The following EPM2A variants were observed in gnomAD, a reference collection of about 807,000 sequenced individuals.
EPM2A encodes the protein EPM2A glucan phosphatase, laforin, also known as laforin.
A neutral mutation model predicts 26.5 loss-of-function variants in EPM2A; 21 were observed. The observed-to-expected ratio is 0.79, with a 90% CI of 0.56 to 1.14. EPM2A has a LOEUF of 1.14. Among genes scored for constraint, EPM2A ranks in the 50% most tolerant of loss-of-function variants. The pLI is 0.00. For missense variants in EPM2A, 458 were observed against 440.8 expected, an observed-to-expected ratio of 1.04 and a Z score of -0.35; for synonymous variants, 217 against 177.6, an observed-to-expected ratio of 1.22 and a Z score of -1.76.
chr6:145,476,739 T>G (rs748435885), intron 4 of EPM2A, among the ~76,000 whole-genome samples: 7 of 151,782 alleles, frequency 4.6e-5, no homozygotes, highest in Non-Finnish European at 8.8e-5. Context: ...AACGGAAAAA[T>G]GTCATGAAAC....
intron 2 of EPM2A, among the ~76,000 whole-genome samples, chr6:145,563,552 T>C (rs909019647): frequency 1.3e-5 from 2 of 152,050 alleles, no homozygotes; most frequent in African/African-American, 4.8e-5. Context: ...GCCATTAAAA[T>C]CTGGTAGCTT....
intron 2 of EPM2A, among the ~76,000 whole-genome samples, chr6:145,667,568 A>C (rs1779303169): frequency 1.3e-5 from 2 of 151,466 alleles, no homozygotes; most frequent in Non-Finnish European, 2.9e-5. Flanking sequence ...TGTTGGTGGG[A>C]CTGTAAACTA....
chr6:145,407,474 A>G (rs1778585166), intron 4 of EPM2A, among the ~76,000 whole-genome samples: 1 of 152,158 alleles, frequency 6.6e-6, no homozygotes, highest in Non-Finnish European at 1.5e-5. Context: ...GAGCAAATCA[A>G]AAAAAGGCTA....
chr6:145,581,600 T>A (rs1781115362), intron 2 of EPM2A, among the ~76,000 whole-genome samples: 1 of 152,202 alleles, frequency 6.6e-6, no homozygotes, highest in Non-Finnish European at 1.5e-5. Flanking sequence ...TATTTCCAGA[T>A]TTTCTTCTAG....
intron 1 of EPM2A, among the ~76,000 whole-genome samples, chr6:145,714,643 C>G (rs1427226329): frequency 2.0e-5 from 3 of 152,140 alleles, no homozygotes; most frequent in Non-Finnish European, 2.9e-5. Flanking sequence ...CTTACAGTTC[C>G]ATGTGGTTGG....
chr6:145,415,932 T>A (rs1245552361), intron 4 of EPM2A, among the ~76,000 whole-genome samples: 1 of 152,146 alleles, frequency 6.6e-6, no homozygotes, highest in Non-Finnish European at 1.5e-5. Flanking sequence ...TTGCTCTCCA[T>A]CCTCTTCTTT....
At chr6:145,690,986 A>C (rs1236359665) in intron 1 of EPM2A, among the ~76,000 whole-genome samples, 9 of 152,094 alleles carry the variant, frequency 5.9e-5, no homozygotes, top group Non-Finnish European at 8.8e-5. Flanking sequence ...TAAAAAAAAA[A>C]AAAACAGACA....
At chr6:145,467,068 C>T (rs1200773713) in intron 4 of EPM2A, among the ~76,000 whole-genome samples, 1 of 152,062 alleles carries the variant, frequency 6.6e-6, no homozygotes, top group Non-Finnish European at 1.5e-5. Context: ...GGGTGCAGCG[C>T]ACCAGCATGG....
intron 2 of EPM2A, among the ~76,000 whole-genome samples, chr6:145,599,796 G>C (rs564378263): frequency 7.4e-4 from 113 of 151,904 alleles, no homozygotes; most frequent in African/African-American, 2.6e-3. Context: ...CTTTTTAATG[G>C]ATCACTTAAG....
At chr6:145,518,165 C>T (rs1449971409) in intron 2 of EPM2A, among the ~76,000 whole-genome samples, 1 of 152,152 alleles carries the variant, frequency 6.6e-6, no homozygotes, top group African/African-American at 2.4e-5. Flanking sequence ...GTTTACTTGC[C>T]TACATATAAT....
In EPM2A at chr6:145,573,875, C is replaced by A. The variant is rs562249629; in HGVS notation, c.340+61370G>T. Among the ~76,000 whole-genome samples, 244 of 152,244 alleles carry A rather than the reference C, an allele frequency of 1.6e-3. 2 individuals carry two copies. The highest frequency in any genetic ancestry group is 5.6e-3 in the African/African-American group (233 of 41,532). ...TACTAATTACCTGAGCTCCATAAGC[C>A]CCCTACTTTAACTGGAGGACCATAA... On this transcript the variant is annotated intron_variant, in intron 2 of 3. Transcript: ENST00000450221.
intron 2 of EPM2A, among the ~76,000 whole-genome samples, chr6:145,685,256 G>GA (rs1424876422): frequency 1.3e-5 from 2 of 152,118 alleles, no homozygotes; most frequent in East Asian, 1.9e-4. Flanking sequence ...AATAGATGTG[G>GA]AAAAAAATAC....
intron 2 of EPM2A, among the ~76,000 whole-genome samples, chr6:145,619,556 A>T (rs1406142416): frequency 6.6e-6 from 1 of 152,218 alleles, no homozygotes; most frequent in Non-Finnish European, 1.5e-5. Context: ...TCATAAGCTC[A>T]CTGGAACCTT....
At chr6:145,531,263 A>G (rs775723678) in intron 2 of EPM2A, among the ~76,000 whole-genome samples, 24 of 152,286 alleles carry the variant, frequency 1.6e-4, no homozygotes, top group Middle Eastern at 3.4e-3. Flanking sequence ...GTGTTGACTC[A>G]AAGCCTTTGT....
At chr6:145,466,554 AC>A in intron 4 of EPM2A, among the ~76,000 whole-genome samples, 1 of 152,184 alleles carries the variant, frequency 6.6e-6, no homozygotes, top group Middle Eastern at 3.4e-3. Flanking sequence ...GGGACTGTAA[AC>A]TAGTTCAACC....
chr6:145,588,232 T>C (rs982996864), intron 2 of EPM2A, among the ~76,000 whole-genome samples: 1 of 152,326 alleles, frequency 6.6e-6, no homozygotes, highest in Middle Eastern at 3.4e-3. Context: ...TATTGTGGTT[T>C]AACATTCTTT....
exon 4 of EPM2A, chr6:145,501,841 C>G (rs1275952439): frequency 2.1e-6 from 1 of 470,952 alleles, no homozygotes; most frequent in Non-Finnish European, 4.4e-6. Context: ...AATCCCAAGG[C>G]CAAAATCTAA....
intron 4 of EPM2A, among the ~76,000 whole-genome samples, chr6:145,464,785 A>T (rs1381112113): frequency 6.6e-6 from 1 of 152,110 alleles, no homozygotes; most frequent in Non-Finnish European, 1.5e-5. Flanking sequence ...TCCTTTAAGA[A>T]TTCTGAATTT....
chr6:145,550,016 A>C (rs1780633131), intron 2 of EPM2A, among the ~76,000 whole-genome samples: 1 of 152,166 alleles, frequency 6.6e-6, no homozygotes, highest in Admixed American at 6.5e-5. Flanking sequence ...TGCAGAGTCC[A>C]GTAGAACCGA....
Sources: gnomAD v4.1 joint callset for allele counts (sites outside exome capture counted in the v4.1 genomes callset) on GRCh38, gnomAD v4.1.1 for gene constraint, MANE v1.5 for transcripts, NCBI Gene and HGNC (gene_info 2026-07-23, HGNC 2026-07-21) for gene names.